GATAD2B: variants seen among roughly 807,000 people sequenced by gnomAD.
GATAD2B encodes the protein transcriptional repressor p66-beta.
In GATAD2B, 8 loss-of-function variants were observed where a neutral mutation model predicts 64.3. The observed-to-expected ratio is 0.12, with a 90% CI of 0.07 to 0.22. GATAD2B has a LOEUF of 0.22. Among genes scored for constraint, GATAD2B ranks in the 10% least tolerant of loss-of-function variants. The pLI is 1.00. For missense variants in GATAD2B, 453 were observed against 752.0 expected, an observed-to-expected ratio of 0.60 and a Z score of 4.65; for synonymous variants, 281 against 271.3, an observed-to-expected ratio of 1.04 and a Z score of -0.35.
chr1:153,829,721 G>A (rs1341190679), intron 1 of GATAD2B, among the ~76,000 whole-genome samples: 1 of 152,204 alleles, frequency 6.6e-6, no homozygotes, highest in Non-Finnish European at 1.5e-5. Context: ...GGGCGACAGA[G>A]TGAGACTCCA....
Position 153,809,699 on chromosome 1 carries a change from T to A in GATAD2B, c.*478A>T. The A allele has an allele frequency of 7.1e-6, 1 of 140,992 alleles. No individual in the cohort carries two copies. The highest frequency in any genetic ancestry group is 7.4e-5 in the Admixed American group (1 of 13,434). 8.7% of individuals were successfully genotyped at this position (140,992 alleles called of 1,614,324 possible). A position where few individuals can be genotyped will look rare whatever the true frequency, so the allele number is the denominator to read the frequency against. ...AATGCTCGTATCATTGAACTGAATG[T>A]CATTTGTGTTTACAAAAAAAAAAAA... is the stretch of plus-strand genomic sequence containing the variant. On this transcript the variant is annotated 3_prime_UTR_variant, in exon 11 of 11. Transcript: ENST00000368655.
At chr1:153,826,940 T>TAA (rs35916476) in intron 2 of GATAD2B, among the ~76,000 whole-genome samples, 8 of 137,414 alleles carry the variant, frequency 5.8e-5, no homozygotes, top group Admixed American at 7.3e-5. Flanking sequence ...GACCCTATCT[T>TAA]AAAAAAAAAA....
intron 1 of GATAD2B, among the ~76,000 whole-genome samples, chr1:153,880,693 A>T (rs1676983534): frequency 6.6e-6 from 1 of 151,840 alleles, no homozygotes; most frequent in Non-Finnish European, 1.5e-5. Flanking sequence ...AAAATACAAA[A>T]ATTAGCCAGG....
At chr1:153,836,015 G>A (rs377233843) in intron 1 of GATAD2B, among the ~76,000 whole-genome samples, 7 of 151,096 alleles carry the variant, frequency 4.6e-5, no homozygotes, top group South Asian at 2.1e-4. Flanking sequence ...GAGCCACTGC[G>A]TCTGGCCTAA....
chr1:153,891,097 C>CT (rs1557824965), intron 1 of GATAD2B, among the ~76,000 whole-genome samples: 1 of 151,462 alleles, frequency 6.6e-6, no homozygotes, highest in Non-Finnish European at 1.5e-5. Context: ...GGAAGGAGAA[C>CT]TGCTTGAACC....
At chr1:153,832,349 T>C (rs1052815099) in intron 1 of GATAD2B, among the ~76,000 whole-genome samples, 1 of 152,200 alleles carries the variant, frequency 6.6e-6, no homozygotes, top group Non-Finnish European at 1.5e-5. Context: ...AAAGTTTTAG[T>C]GCACTGGCAA....
At chr1:153,876,960 T>C (rs1223870065) in intron 1 of GATAD2B, among the ~76,000 whole-genome samples, 6 of 152,060 alleles carry the variant, frequency 3.9e-5, no homozygotes, top group African/African-American at 1.2e-4. Flanking sequence ...GAGGTTACAG[T>C]GAGCCAAGAT....
intron 1 of GATAD2B, among the ~76,000 whole-genome samples, chr1:153,919,321 C>A (rs1260492167): frequency 6.6e-6 from 1 of 152,138 alleles, no homozygotes; most frequent in Non-Finnish European, 1.5e-5. Context: ...CATCTAAATA[C>A]CTCAGACAGG....
chr1:153,841,667 T>C (rs1211968808), intron 1 of GATAD2B, among the ~76,000 whole-genome samples: 1 of 152,202 alleles, frequency 6.6e-6, no homozygotes. Flanking sequence ...TTCCATGGTA[T>C]GGATGTACCA....
At chr1:153,870,964 G>A (rs1308598288) in intron 1 of GATAD2B, among the ~76,000 whole-genome samples, 1 of 152,196 alleles carries the variant, frequency 6.6e-6, no homozygotes, top group East Asian at 1.9e-4. Context: ...CCAGGCTGGA[G>A]TGCAGTGGCA....
intron 7 of GATAD2B, among the ~76,000 whole-genome samples, chr1:153,813,904 G>A (rs911133224): frequency 6.6e-6 from 1 of 152,234 alleles, no homozygotes; most frequent in African/African-American, 2.4e-5. Context: ...CTTGAACCTG[G>A]GAAGTAGAGG....
At position 153,816,201 on chromosome 1, in the gene GATAD2B, G is replaced by A. The variant is rs530002712; in HGVS notation, c.1216+72C>T. On this transcript the variant is annotated intron_variant, in intron 7 of 10. Coordinates refer to ENST00000368655, the MANE Select transcript of GATAD2B (RefSeq NM_020699.4). The surrounding 1 kb of genome is among the most constrained non-coding windows in gnomAD (Gnocchi z 4.9). The stretch of plus-strand genomic sequence containing the variant: ...TATTTAATATTGTACAGTACCCTCT[G>A]ATACTCTGCCTATGTCAATCAGGCT... The A allele has an allele frequency of 2.6e-4, 246 of 948,714 alleles. No homozygotes were observed. The highest frequency in any genetic ancestry group is 3.9e-4 in the Non-Finnish European group (229 of 590,692). The allele number at this position is 948,714 out of a possible 1,614,324, so 58.8% of individuals were successfully genotyped here.
In GATAD2B at chr1:153,808,188, T is replaced by C. The variant is rs1674167946; in HGVS notation, c.*1989A>G. The C allele has an allele frequency of 6.6e-6, 1 of 152,584 alleles. No homozygotes were observed. Among genetic ancestry groups the C allele is most frequent in the Admixed American group, 6.5e-5 (1 of 15,290 alleles). 9.5% of individuals were successfully genotyped at this position (152,584 alleles called of 1,614,324 possible). A position where few individuals can be genotyped will look rare whatever the true frequency, so the allele number is the denominator to read the frequency against. On this transcript the variant is annotated 3_prime_UTR_variant, in exon 11 of 11. Coordinates refer to ENST00000368655, the MANE Select transcript of GATAD2B (RefSeq NM_020699.4). ...ATACTCAAAAAACCCAATCACTACC[T>C]GTTACTAGCATCTAGCTTCCAGATC...
In GATAD2B at chr1:153,908,660, G is replaced by A. The variant is rs375348366; in HGVS notation, c.-2+14073C>T. Among the ~76,000 whole-genome samples, 119 of 151,376 alleles carry A rather than the reference G, an allele frequency of 7.9e-4. 1 individual carries two copies. The highest frequency in any genetic ancestry group is 2.7e-3 in the African/African-American group (110 of 41,292). On this transcript the variant is annotated intron_variant, in intron 1 of 10. Coordinates refer to ENST00000368655, the MANE Select transcript of GATAD2B (RefSeq NM_020699.4). Reference sequence around the variant, plus strand: ...ATTTTATGCTTTTAGTAGAAACAGGGATTCTCCATATTGATCAGGCTGGTC... The same window carrying A: ...ATTTTATGCTTTTAGTAGAAACAGGAATTCTCCATATTGATCAGGCTGGTC...
Position 153,898,332 on chromosome 1 carries a change from G to GA in GATAD2B, c.-2+24400dup, listed in dbSNP as rs1161398479. Among the ~76,000 whole-genome samples the GA allele has an allele frequency of 8.0e-5, 11 of 137,608 alleles. No individual in the cohort carries two copies. In the East Asian group the frequency reaches 1.6e-3, roughly 20 times the overall value. 90.3% of individuals were successfully genotyped at this position (137,608 alleles called of 152,430 possible). On this transcript the variant is annotated intron_variant, in intron 1 of 10. Coordinates refer to ENST00000368655, the MANE Select transcript of GATAD2B (RefSeq NM_020699.4). ...AAAAAAAAAAAAAAAAAGAAAAAAA[G>GA]AAAAAAGAAAAACAAAAACAAAAAG...
intron 1 of GATAD2B, among the ~76,000 whole-genome samples, chr1:153,831,077 G>A (rs1675063520): frequency 6.6e-6 from 1 of 152,146 alleles, no homozygotes; most frequent in Admixed American, 6.6e-5. Context: ...AGAGATAAAA[G>A]TCACAACCCA....
intron 1 of GATAD2B, among the ~76,000 whole-genome samples, chr1:153,892,159 G>C (rs1373235316): frequency 9.0e-6 from 1 of 110,778 alleles, no homozygotes; most frequent in Admixed American, 1.2e-4. Context: ...GTGAGACTCC[G>C]TCTCAAAAAA....
In GATAD2B at chr1:153,813,311, A is replaced by T. The variant is rs1325185385; in HGVS notation, c.1358T>A (p.Leu453Gln). ...CAGCCGGTTGGTGTGTTCAGCTTTT[A>T]GAGCCTTTTTCTGGTTGGAGGTCAT... is the stretch of plus-strand genomic sequence containing the variant. ...QCMTSNQKKALKAEHTNRLKN... is the reference protein window; with the variant it reads ...QCMTSNQKKAQKAEHTNRLKN... The change falls in exon 8 of 11, where the codon CTA (leucine) becomes CAA (glutamine). Residue 453 changes from leucine (L) to glutamine (Q), a missense_variant. By Grantham distance (113) the Leu-to-Gln change is moderately radical. Around this residue, in one of 2 missense-constraint regions of GATAD2B, gnomAD observed 160 missense variants for 334.7 expected, o/e 0.48. Transcript: ENST00000368655. 1 of 1,614,240 alleles carries T rather than the reference A, an allele frequency of 6.2e-7. No individual in the cohort carries two copies. The highest frequency in any genetic ancestry group is 2.2e-5 in the East Asian group (1 of 44,894).
chr1:153,851,449 TAAAAAA>T (rs1176876480), intron 1 of GATAD2B, among the ~76,000 whole-genome samples: 1 of 151,928 alleles, frequency 6.6e-6, no homozygotes, highest in Admixed American at 6.6e-5. Flanking sequence ...CCTTGCCACT[TAAAAAA>T]AATAGCCATC....
Sources: gnomAD v4.1 joint callset for allele counts (sites outside exome capture counted in the v4.1 genomes callset) on GRCh38, gnomAD v4.1.1 for gene constraint, gnomAD v4.1.1 regional missense constraint, Gnocchi (gnomAD v3.1) non-coding constraint, MANE v1.5 for transcripts, NCBI Gene and HGNC (gene_info 2026-07-23, HGNC 2026-07-21) for gene names.